Variants in SIGLEC9 observed in about 807,000 individuals in gnomAD.
The protein encoded by SIGLEC9 is sialic acid binding Ig like lectin 9.
In SIGLEC9, 26 loss-of-function variants were observed where a neutral mutation model predicts 38.3. The observed-to-expected ratio is 0.68, with a 90% CI of 0.50 to 0.94. The LOEUF is 0.94. SIGLEC9 is among the 40% of genes least tolerant of loss of function. The pLI, the probability that SIGLEC9 is intolerant of heterozygous loss-of-function variation, is 0.00. For synonymous variants in SIGLEC9, 236 were observed against 248.0 expected (o/e 0.95, Z 0.45); for missense variants, 556 against 585.7 (o/e 0.95, Z 0.52).
At chr19:51,126,364 C>T (rs1251232970) in intron 3 of SIGLEC9, among the ~76,000 whole-genome samples, 15 of 151,830 alleles carry the variant, frequency 9.9e-5, no homozygotes, top group African/African-American at 1.5e-4. Context: ...GTGGCATTCA[C>T]ACAGCAGGAC....
At chr19:51,125,538 C>A (rs1234009604) in intron 1 of SIGLEC9, 59 bp from the exon 2 acceptor site, 15 of 1,584,818 alleles carry the variant, frequency 9.5e-6, no homozygotes, top group African/African-American at 1.4e-5. Context: ...GCCTGAGCTC[C>A]CCCCAGGGCT....
upstream of SIGLEC9, among the ~76,000 whole-genome samples, chr19:51,121,842 C>G (rs1425192179): frequency 1.3e-5 from 2 of 152,106 alleles, no homozygotes; most frequent in African/African-American, 2.4e-5. Flanking sequence ...ACCGCCTTGG[C>G]CTCCCAAAGT....
At chr19:51,126,580 G>A (rs749969176) in intron 3 of SIGLEC9, among the ~76,000 whole-genome samples, 4 of 152,192 alleles carry the variant, frequency 2.6e-5, no homozygotes, top group Non-Finnish European at 5.9e-5. Flanking sequence ...CTGAGTCTCG[G>A]TTTGTACACC....
At chr19:51,127,005 T>A in intron 3 of SIGLEC9, 25 bp from the exon 4 acceptor site, 1 of 1,609,244 alleles carries the variant, frequency 6.2e-7, no homozygotes, top group South Asian at 1.1e-5. Context: ...TGTATCTCTC[T>A]GACCCTCTGT....
At chr19:51,121,341 T>G (rs2091949783), upstream of SIGLEC9, among the ~76,000 whole-genome samples, 1 of 151,468 alleles carries the variant, frequency 6.6e-6, no homozygotes, top group Non-Finnish European at 1.5e-5. Context: ...TGGCTCAGCT[T>G]TGAGCTCTGT....
upstream of SIGLEC9, among the ~76,000 whole-genome samples, chr19:51,121,641 C>T (rs947833397): frequency 2.8e-5 from 4 of 141,474 alleles, no homozygotes; most frequent in Admixed American, 7.5e-5. Context: ...GGCTGGAGTG[C>T]GGTGGCAGGA....
At position 51,125,118 on chromosome 19, in the gene SIGLEC9, T is replaced by C. The variant is rs757959654; in HGVS notation, c.144T>C (p.His48=). ...CCTGCTCCTTCTCCTACCCCTCGCA[T>C]GGCTGGATTTACCCTGGCCCAGTAG... ...HVPCSFSYPS[H]GWIYPGPVVH... Residue 48 remains histidine (H), a synonymous_variant, in exon 1 of 7, where the codon CAT becomes CAC. Transcript: ENST00000250360. 27 of 1,614,058 alleles carry C rather than the reference T, an allele frequency of 1.7e-5. No individual in the cohort carries two copies. The South Asian group carries it at 3.0e-4, about 18-fold the overall frequency.
At position 51,127,083 on chromosome 19, in the gene SIGLEC9, C is replaced by G; in HGVS notation, c.802C>G (p.Leu268Val). The G allele has an allele frequency of 6.2e-7, 1 of 1,614,240 alleles. No homozygotes were observed. Among genetic ancestry groups the G allele is most frequent in the Non-Finnish European group, 8.5e-7 (1 of 1,180,034 alleles). The change falls in exon 4 of 7, where the codon CTG becomes GTG. Residue 268 changes from leucine (L) to valine (V), a missense_variant. Coordinates refer to ENST00000250360, the MANE Select transcript of SIGLEC9 (RefSeq NM_014441.3). ...SSLSLPEGQS[L>V]RLVCAVDAVD... Reference sequence around the variant, plus strand: ...TCTGTCACTCCCAGAGGGCCAGTCTCTGCGCCTGGTCTGTGCAGTTGATGC... The same window carrying G: ...TCTGTCACTCCCAGAGGGCCAGTCTGTGCGCCTGGTCTGTGCAGTTGATGC...
chr19:51,122,193 G>A (rs2091951430), upstream of SIGLEC9, among the ~76,000 whole-genome samples: 2 of 152,054 alleles, frequency 1.3e-5, no homozygotes, highest in African/African-American at 4.8e-5. The surrounding 1 kb of genome is among the most constrained non-coding windows in gnomAD (Gnocchi z 4.1). Context: ...TGTCTGTCTT[G>A]CGTCAATATG....
chr19:51,127,352 C>T (rs2091985902), intron 4 of SIGLEC9, 56 bp downstream of exon 4: 2 of 1,512,042 alleles, frequency 1.3e-6, no homozygotes, highest in Admixed American at 2.0e-5. Flanking sequence ...CCTCCTCCAC[C>T]CTTAGTAACT....
chr19:51,131,862 G>A (rs1228372454), downstream of SIGLEC9, among the ~76,000 whole-genome samples: 1 of 151,584 alleles, frequency 6.6e-6, no homozygotes, highest in Non-Finnish European at 1.5e-5. Flanking sequence ...GTTGCAGTGA[G>A]CTGAGATTGT....
In SIGLEC9 at chr19:51,130,098, C is replaced by A; in HGVS notation, c.*19C>A. On this transcript the variant is annotated 3_prime_UTR_variant, in exon 7 of 7. Transcript: ENST00000250360. ...CAGATGAGAAACTGCAGAGACTCAC[C>A]CTGATTGAGGGATCACAGCCCCTCC... 6.3e-7 allele frequency: 1 copy of A among 1,588,476 alleles called. No individual in the cohort carries two copies. Among genetic ancestry groups the A allele is most frequent in the Non-Finnish European group, 8.6e-7 (1 of 1,165,904 alleles).
chr19:51,127,478 G>A (rs998855470), intron 4 of SIGLEC9, among the ~76,000 whole-genome samples, 182 bp downstream of exon 4: 3 of 151,816 alleles, frequency 2.0e-5, no homozygotes, highest in African/African-American at 7.3e-5. Context: ...GAAGGGTTGT[G>A]GGGTGGGGAG....
chr19:51,134,622 CT>C (rs1368186919), downstream of SIGLEC9, among the ~76,000 whole-genome samples: 1 of 152,266 alleles, frequency 6.6e-6, no homozygotes, highest in Admixed American at 6.5e-5. Flanking sequence ...TTGGTTCCCT[CT>C]TTTTTATTAG....
At chr19:51,122,496 G>A (rs984680340), upstream of SIGLEC9, among the ~76,000 whole-genome samples, 37 of 150,922 alleles carry the variant, frequency 2.5e-4, no homozygotes, top group Non-Finnish European at 4.1e-4. The surrounding 1 kb of genome is among the most constrained non-coding windows in gnomAD (Gnocchi z 4.1). Flanking sequence ...CAGGAGAATC[G>A]CTTGAACGTG....
At position 51,125,271 on chromosome 19, in the gene SIGLEC9, C is replaced by T. The variant is rs200604323; in HGVS notation, c.297C>T (p.Thr99=). ...TCCACCTCCTTGGGGACCCACATAC[C>T]AAGAATTGCACCCTGAGCATCAGAG... ...DRFHLLGDPH[T]KNCTLSIRDA... The change falls in exon 1 of 7, where the codon ACC becomes ACT. Residue 99 remains threonine (T), a synonymous_variant. Coordinates refer to ENST00000250360, the MANE Select transcript of SIGLEC9 (RefSeq NM_014441.3). 81 of 1,614,014 alleles carry T rather than the reference C, an allele frequency of 5.0e-5. No individual in the cohort carries two copies. Among genetic ancestry groups the T allele is most frequent in the African/African-American group, 6.7e-5 (5 of 75,004 alleles).
downstream of SIGLEC9, among the ~76,000 whole-genome samples, chr19:51,133,568 T>C (rs888320062): frequency 6.6e-6 from 1 of 151,848 alleles, no homozygotes; most frequent in Non-Finnish European, 1.5e-5. Context: ...GGCGACAGAG[T>C]GAGACCCCAT....
Position 51,125,351 on chromosome 19 carries a change from T to A in SIGLEC9, c.377T>A (p.Ile126Lys). 1 of 1,604,644 alleles carries A rather than the reference T, an allele frequency of 6.2e-7. No individual in the cohort carries two copies. ...TTCTTTCGTATGGAGAAAGGAAGTA[T>A]AAAATGGAATTATAAACATCACCGG... ...RYFFRMEKGS[I>K]KWNYKHHRLS... The change falls in exon 1 of 7, where the codon ATA (isoleucine) becomes AAA (lysine). Residue 126 changes from isoleucine to lysine, a missense_variant. Ile to Lys is a moderately radical substitution (Grantham distance 102). Transcript: ENST00000250360.
rs774440591 is a variant in SIGLEC9 at position 51,130,076 on chromosome 19, A to T, written c.1389A>T (p.Arg463Ser). ...DTEYSEIKIH[R>S] ...AGTACTCGGAGATCAAGATCCACAGATGAGAAACTGCAGAGACTCACCCTG... is the reference window on the plus strand; with the variant it reads ...AGTACTCGGAGATCAAGATCCACAGTTGAGAAACTGCAGAGACTCACCCTG... Residue 463 changes from arginine (R) to serine (S), a missense_variant, in exon 7 of 7, where the codon AGA becomes AGT. Arg to Ser is a moderately radical substitution (Grantham distance 110, BLOSUM62 -1). Transcript: ENST00000250360. 5.0e-6 allele frequency: 8 copies of T among 1,609,486 alleles called. No homozygotes were observed. The East Asian group carries it at 1.8e-4, about 36-fold the overall frequency.
Sources: gnomAD v4.1 joint callset for allele counts (sites outside exome capture counted in the v4.1 genomes callset) on GRCh38, gnomAD v4.1.1 for gene constraint, Gnocchi (gnomAD v3.1) non-coding constraint, MANE v1.5 for transcripts, NCBI Gene and HGNC (gene_info 2026-07-23, HGNC 2026-07-21) for gene names.